Variants in ARHGEF7 observed in about 807,000 individuals in gnomAD.
ARHGEF7 encodes PAK-interacting exchange factor beta.
In ARHGEF7, 33 loss-of-function variants were observed where a neutral mutation model predicts 109.8. The observed-to-expected ratio is 0.30, with a 90% CI of 0.23 to 0.40. The LOEUF (loss-of-function observed/expected upper bound fraction) is 0.40, where lower values mean the gene tolerates loss of function less well. Among genes scored for constraint, ARHGEF7 ranks in the 10% least tolerant of loss-of-function variants. The pLI, the probability that ARHGEF7 is intolerant of heterozygous loss-of-function variation, is 1.00. For synonymous variants in ARHGEF7, 458 were observed against 424.6 expected (o/e 1.08, Z -0.97); for missense variants, 938 against 1,098.5 (o/e 0.85, Z 2.07).
chr13:111,224,214 C>T (rs1333777776), intron 5 of ARHGEF7, among the ~76,000 whole-genome samples: 1 of 148,614 alleles, frequency 6.7e-6, no homozygotes, highest in African/African-American at 2.5e-5. Context: ...CACCCACCCT[C>T]ACTCTTACTC....
At position 111,303,105 on chromosome 13, in the gene ARHGEF7, A is replaced by C; in HGVS notation, c.2581A>C (p.Asn861His). Residue 861 changes from asparagine to histidine, a missense_variant, in exon 22 of 22, where the codon AAT becomes CAT. Around this residue, in one of 4 missense-constraint regions of ARHGEF7, gnomAD observed 166 missense variants for 167.3 expected, o/e 0.99. Transcript: ENST00000646102. ...NMNDPAWDET[N>H]L ...GAATGATCCTGCCTGGGATGAGACC[A>C]ATCTATAAGGGATGTCCTCAGTTCT... The C allele has an allele frequency of 6.2e-7, 1 of 1,613,622 alleles. No individual in the cohort carries two copies. The highest frequency in any genetic ancestry group is 8.5e-7 in the Non-Finnish European group (1 of 1,179,744).
At chr13:111,123,032 GC>G (rs1361028420) in intron 1 of ARHGEF7, among the ~76,000 whole-genome samples, 3 of 152,178 alleles carry the variant, frequency 2.0e-5, no homozygotes, top group Non-Finnish European at 4.4e-5. Flanking sequence ...GATAGAAGTG[GC>G]CCCAATTCTC....
chr13:111,141,969 C>G (rs919374481), intron 1 of ARHGEF7, among the ~76,000 whole-genome samples: 1 of 152,188 alleles, frequency 6.6e-6, no homozygotes, highest in African/African-American at 2.4e-5. Flanking sequence ...TTCCACTGCT[C>G]CACATTCTTG....
intron 6 of ARHGEF7, among the ~76,000 whole-genome samples, chr13:111,233,684 C>T (rs1199271582): frequency 1.3e-5 from 2 of 152,148 alleles, no homozygotes; most frequent in Non-Finnish European, 2.9e-5. Flanking sequence ...AGACATAAGG[C>T]TTCTAATTTA....
At chr13:111,187,032 G>GT in intron 2 of ARHGEF7, 1 of 985,812 alleles carries the variant, frequency 1.0e-6, no homozygotes, top group Non-Finnish European at 1.2e-6. Context: ...GTGCTTGTTG[G>GT]TGTGGGTATT....
intron 8 of ARHGEF7, among the ~76,000 whole-genome samples, chr13:111,257,783 A>C (rs549510628): frequency 2.6e-5 from 4 of 152,170 alleles, no homozygotes; most frequent in Non-Finnish European, 5.9e-5. Flanking sequence ...GGAGAGGGGG[A>C]GGGCTCAGTA....
intron 5 of ARHGEF7, 60 bp from the exon 6 acceptor site, chr13:111,233,145 G>A (rs956575444): frequency 7.1e-7 from 1 of 1,410,772 alleles, no homozygotes; most frequent in Non-Finnish European, 1.0e-6. Context: ...TGTGTGAGGG[G>A]CTGGAACTTT....
intron 2 of ARHGEF7, among the ~76,000 whole-genome samples, chr13:111,185,818 C>CG (rs2079186923): frequency 1.3e-5 from 2 of 152,154 alleles, no homozygotes; most frequent in African/African-American, 4.8e-5. Context: ...GCTGCCTGAT[C>CG]TGCCTGCATG....
intron 1 of ARHGEF7, among the ~76,000 whole-genome samples, chr13:111,118,353 T>C (rs1048618172): frequency 6.6e-6 from 1 of 152,232 alleles, no homozygotes; most frequent in Non-Finnish European, 1.5e-5. Flanking sequence ...CCGCTTTGCT[T>C]TTAAGGTGGA....
chr13:111,185,384 C>G (rs2079149302), intron 2 of ARHGEF7, among the ~76,000 whole-genome samples: 1 of 152,196 alleles, frequency 6.6e-6, no homozygotes, highest in South Asian at 2.1e-4. Flanking sequence ...TAGCCTTTCC[C>G]TTTTTAGCAC....
intron 19 of ARHGEF7, among the ~76,000 whole-genome samples, chr13:111,298,261 A>G (rs1227344534): frequency 1.3e-5 from 2 of 152,234 alleles, no homozygotes; most frequent in Non-Finnish European, 2.9e-5. Flanking sequence ...TAGCACATGA[A>G]TTAACATTTT....
intron 9 of ARHGEF7, among the ~76,000 whole-genome samples, chr13:111,270,416 A>G (rs1657874893): frequency 1.3e-5 from 2 of 149,920 alleles, no homozygotes; most frequent in Non-Finnish European, 1.5e-5. Flanking sequence ...TTATGGCACT[A>G]CTTTTTTTTT....
intron 1 of ARHGEF7, among the ~76,000 whole-genome samples, chr13:111,125,756 G>C (rs1420413915): frequency 2.0e-5 from 3 of 152,124 alleles, no homozygotes; most frequent in African/African-American, 4.8e-5. Flanking sequence ...AGTTCATAAG[G>C]GACTTTTAAG....
chr13:111,234,734 T>A (rs1208884322), intron 6 of ARHGEF7, among the ~76,000 whole-genome samples: 2 of 152,200 alleles, frequency 1.3e-5, no homozygotes, highest in African/African-American at 2.4e-5. Flanking sequence ...CTTTCTTCCC[T>A]TTTTTTCATT....
At chr13:111,133,103 C>CAT (rs1034796297) in intron 1 of ARHGEF7, among the ~76,000 whole-genome samples, 1 of 151,892 alleles carries the variant, frequency 6.6e-6, no homozygotes, top group Non-Finnish European at 1.5e-5. Flanking sequence ...TACACATATA[C>CAT]ATACATGCTA....
At chr13:111,127,482 C>T (rs2067645100) in intron 1 of ARHGEF7, among the ~76,000 whole-genome samples, 1 of 151,504 alleles carries the variant, frequency 6.6e-6, no homozygotes, top group South Asian at 2.1e-4. Context: ...AGACCCTCCC[C>T]CCATCACTAC....
chr13:111,194,843 G>T (rs528024257), intron 2 of ARHGEF7, among the ~76,000 whole-genome samples: 49 of 152,340 alleles, frequency 3.2e-4, no homozygotes, highest in African/African-American at 1.0e-3. Context: ...GAAACTGTGA[G>T]TCAGTGCAGG....
chr13:111,288,291 G>C, intron 17 of ARHGEF7, 63 bp from the exon 18 acceptor site: 1 of 1,082,770 alleles, frequency 9.2e-7, no homozygotes, highest in Non-Finnish European at 1.4e-6. Context: ...CATTGCATTC[G>C]TCTCGCCAGT....
chr13:111,297,916 A>C (rs1410682216), intron 19 of ARHGEF7, among the ~76,000 whole-genome samples: 1 of 152,274 alleles, frequency 6.6e-6, no homozygotes, highest in Non-Finnish European at 1.5e-5. Flanking sequence ...CCTGATCCGC[A>C]GTTACATAAC....
Sources: allele counts gnomAD v4.1 joint callset (sites outside exome capture counted in the v4.1 genomes callset), GRCh38; gene constraint gnomAD v4.1.1; regional missense constraint gnomAD v4.1.1; transcripts MANE v1.5; gene names NCBI Gene and HGNC (gene_info 2026-07-23, HGNC 2026-07-21).